TGFBR2: variants seen among roughly 807,000 people sequenced by gnomAD.
The protein encoded by TGFBR2 is transforming growth factor beta receptor 2.
Under a neutral mutation model 49.0 loss-of-function variants are expected in TGFBR2, and 18 were observed. That is an observed-to-expected ratio of 0.37 (90% CI 0.25 to 0.54). The LOEUF is 0.54. TGFBR2 is among the 20% of genes least tolerant of loss of function. The pLI is 0.85. For missense variants in TGFBR2, 525 were observed against 722.6 expected, an observed-to-expected ratio of 0.73 and a Z score of 3.13; for synonymous variants, 282 against 275.9, an observed-to-expected ratio of 1.02 and a Z score of -0.22.
chr3:30,675,690 T>C (rs1423284199), intron 5 of TGFBR2, among the ~76,000 whole-genome samples: 1 of 152,100 alleles, frequency 6.6e-6, no homozygotes, highest in East Asian at 1.9e-4. Flanking sequence ...CAGCCTCCAT[T>C]CCATGTTTAA....
Position 30,657,297 on chromosome 3 carries a change from C to G in TGFBR2, c.454+6837C>G, listed in dbSNP as rs541991289. On this transcript the variant is annotated intron_variant, in intron 3 of 6. Coordinates refer to ENST00000295754, the MANE Select transcript of TGFBR2 (RefSeq NM_003242.6). Reference sequence around the variant, plus strand: ...CTGTTCTGTTTGCCAAACGGCAGCCCAGACCCATCACTGAGCATGTCCTTG... The same window carrying G: ...CTGTTCTGTTTGCCAAACGGCAGCCGAGACCCATCACTGAGCATGTCCTTG... 3.1e-3 allele frequency among the ~76,000 whole-genome samples: 471 copies of G among 152,340 alleles called. 4 individuals are homozygous for G. Among genetic ancestry groups the G allele is most frequent in the Non-Finnish European group, 5.5e-3 (373 of 68,018 alleles).
chr3:30,652,458 T>TCCTGA (rs1698913199), intron 3 of TGFBR2, among the ~76,000 whole-genome samples: 2 of 152,080 alleles, frequency 1.3e-5, no homozygotes, highest in African/African-American at 4.8e-5. Context: ...GGTCTCGAAC[T>TCCTGA]CCTGACCTCA....
At chr3:30,691,291 C>G in intron 6 of TGFBR2, 129 bp from the exon 7 acceptor site, 1 of 995,302 alleles carries the variant, frequency 1.0e-6, no homozygotes, top group Non-Finnish European at 1.5e-6. Context: ...ACTCAGTCAG[C>G]ACATGTTAAA....
At chr3:30,658,871 T>C (rs756200604) in intron 3 of TGFBR2, among the ~76,000 whole-genome samples, 24 of 152,192 alleles carry the variant, frequency 1.6e-4, no homozygotes, top group Middle Eastern at 3.2e-3. Context: ...GTGTCCTTAA[T>C]GTCGTTGCTT....
At chr3:30,671,381 T>A (rs1436390983) in intron 3 of TGFBR2, among the ~76,000 whole-genome samples, 3 of 152,098 alleles carry the variant, frequency 2.0e-5, no homozygotes, top group Non-Finnish European at 4.4e-5. Flanking sequence ...GTTTTCCAAG[T>A]TTTTCTAGGC....
intron 3 of TGFBR2, among the ~76,000 whole-genome samples, chr3:30,663,012 C>T (rs900496039): frequency 1.3e-5 from 2 of 152,102 alleles, no homozygotes; most frequent in Non-Finnish European, 2.9e-5. Context: ...CAGTAAGTTC[C>T]CAGGGGATGC....
Position 30,606,800 on chromosome 3 carries a change from C to G in TGFBR2, c.-84C>G. 1 of 1,042,820 alleles carries G rather than the reference C, an allele frequency of 9.6e-7. No individual in the cohort carries two copies. Among genetic ancestry groups the G allele is most frequent in the Non-Finnish European group, 1.3e-6 (1 of 794,286 alleles). The allele number at this position is 1,042,820 out of a possible 1,614,324, so 64.6% of individuals were successfully genotyped here. ...CCCGGCGCGGGGTCCGGAGAGGGCG[C>G]GGCGCGGAGGCGCAGCCAGGGGTCC... On this transcript the variant is annotated 5_prime_UTR_variant, in exon 1 of 7. Transcript: ENST00000295754.
intron 3 of TGFBR2, among the ~76,000 whole-genome samples, chr3:30,667,708 T>C (rs1316520705): frequency 6.6e-6 from 1 of 152,230 alleles, no homozygotes; most frequent in Non-Finnish European, 1.5e-5. Context: ...TTTATAGATA[T>C]TTAGGAATTG....
chr3:30,684,098 A>G (rs1699580795), intron 5 of TGFBR2, among the ~76,000 whole-genome samples: 1 of 152,064 alleles, frequency 6.6e-6, no homozygotes, highest in South Asian at 2.1e-4. Context: ...TCATCCTACA[A>G]GTCCTAATGG....
chr3:30,644,181 G>T (rs1490187668), intron 1 of TGFBR2, among the ~76,000 whole-genome samples: 2 of 152,154 alleles, frequency 1.3e-5, no homozygotes, highest in African/African-American at 4.8e-5. Context: ...TTCAGGAGTA[G>T]GTCAGGAAAA....
intron 3 of TGFBR2, among the ~76,000 whole-genome samples, chr3:30,663,241 T>A (rs930075809): frequency 6.6e-6 from 1 of 152,194 alleles, no homozygotes; most frequent in Non-Finnish European, 1.5e-5. Flanking sequence ...CATATATACA[T>A]CTAAATATAT....
chr3:30,649,910 G>A (rs1428955833), intron 2 of TGFBR2, among the ~76,000 whole-genome samples: 1 of 152,126 alleles, frequency 6.6e-6, no homozygotes, highest in African/African-American at 2.4e-5. Flanking sequence ...AAATTATCCT[G>A]AGTACCTAGG....
chr3:30,678,058 G>A (rs1202937368), intron 5 of TGFBR2, among the ~76,000 whole-genome samples: 1 of 152,172 alleles, frequency 6.6e-6, no homozygotes, highest in South Asian at 2.1e-4. Context: ...AAAAGGAAAT[G>A]TGGAATGTGC....
At chr3:30,687,791 A>G (rs1699650192) in intron 5 of TGFBR2, among the ~76,000 whole-genome samples, 1 of 152,158 alleles carries the variant, frequency 6.6e-6, no homozygotes, top group African/African-American at 2.4e-5. Flanking sequence ...CTGTCTCTGA[A>G]TATACCTGTA....
intron 1 of TGFBR2, among the ~76,000 whole-genome samples, chr3:30,632,678 G>A (rs1698459221): frequency 6.6e-6 from 1 of 152,150 alleles, no homozygotes; most frequent in Admixed American, 6.5e-5. Flanking sequence ...GCATTGCATG[G>A]AATGTTACCT....
chr3:30,642,006 G>A (rs1698656043), intron 1 of TGFBR2, among the ~76,000 whole-genome samples: 1 of 151,482 alleles, frequency 6.6e-6, no homozygotes, highest in Non-Finnish European at 1.5e-5. Context: ...TGTTCTGCAA[G>A]CATCGGACTT....
At position 30,693,623 on chromosome 3, in the gene TGFBR2, G is replaced by A. The variant is rs1699749293; in HGVS notation, c.*2024G>A. 4.3e-6 allele frequency: 1 copy of A among 233,596 alleles called. No homozygotes were observed. Among genetic ancestry groups the A allele is most frequent in the Non-Finnish European group, 8.5e-6 (1 of 117,932 alleles). 14.5% of individuals were successfully genotyped at this position (233,596 alleles called of 1,614,324 possible). ...GTGGGCTGAGAGTTAAAGACAGTGT[G>A]GCTGCAGTAGCATAGAGGCGCCTAG... On this transcript the variant is annotated 3_prime_UTR_variant, in exon 7 of 7. Coordinates refer to ENST00000295754, the MANE Select transcript of TGFBR2 (RefSeq NM_003242.6).
Position 30,688,435 on chromosome 3 carries a change from G to C in TGFBR2, c.1448G>C (p.Cys483Ser), listed in dbSNP as rs1699660200. ...PFGSKVREHP[C>S]VESMKDNVLR... Reference sequence around the variant, plus strand: ...GGTTCCAAGGTGCGGGAGCACCCCTGTGTCGAAAGCATGAAGGACAACGTG... The same window carrying C: ...GGTTCCAAGGTGCGGGAGCACCCCTCTGTCGAAAGCATGAAGGACAACGTG... The change falls in exon 6 of 7, where the codon TGT becomes TCT. Residue 483 changes from cysteine to serine, a missense_variant. By Grantham distance (112) the Cys-to-Ser change is moderately radical. Transcript: ENST00000295754. 6.2e-7 allele frequency: 1 copy of C among 1,614,188 alleles called. No individual in the cohort carries two copies. The highest frequency in any genetic ancestry group is 8.5e-7 in the Non-Finnish European group (1 of 1,180,014).
At chr3:30,657,427 G>T (rs1349442980) in intron 3 of TGFBR2, among the ~76,000 whole-genome samples, 1 of 152,170 alleles carries the variant, frequency 6.6e-6, no homozygotes, top group Non-Finnish European at 1.5e-5. Flanking sequence ...ACAACAGAGG[G>T]CAGGGCTGAG....
Sources: gnomAD v4.1 joint callset for allele counts (sites outside exome capture counted in the v4.1 genomes callset) on GRCh38, gnomAD v4.1.1 for gene constraint, MANE v1.5 for transcripts, NCBI Gene and HGNC (gene_info 2026-07-23, HGNC 2026-07-21) for gene names.